Variants in SKIC8 observed in about 807,000 individuals in gnomAD.
SKIC8 encodes SKI8 subunit of superkiller complex, also known as superkiller complex protein 8.
chr15:78,285,983 CAAG>C, the SKIC8 span: 1 of 1,436,770 alleles, frequency 7.0e-7, no homozygotes. Flanking sequence ...GCAATCTATA[CAAG>C]AAGACTGCTC....
At chr15:78,293,151 G>A in the SKIC8 span, 3 of 1,609,180 alleles carry the variant, frequency 1.9e-6, no homozygotes, top group African/African-American at 2.7e-5. Context: ...CTGTATGTTA[G>A]GGGAGAGGCA....
At chr15:78,295,539 A>C in the SKIC8 span, 1 of 1,117,572 alleles carries the variant, frequency 8.9e-7, no homozygotes, top group Non-Finnish European at 1.4e-6. Flanking sequence ...GTGACTAGGT[A>C]CCCAGGGTCA....
chr15:78,293,227 T>C, the SKIC8 span: 1 of 1,614,128 alleles, frequency 6.2e-7, no homozygotes, highest in Non-Finnish European at 8.5e-7. Flanking sequence ...AGAGTTTTCC[T>C]TCTTGTTTGT....
the SKIC8 span, among the ~76,000 whole-genome samples, chr15:78,287,176 T>C: frequency 4.7e-4 from 72 of 152,290 alleles, no homozygotes; most frequent in South Asian, 9.5e-3. Context: ...CCTCATTGGT[T>C]GCTGGGAGGA....
the SKIC8 span, among the ~76,000 whole-genome samples, chr15:78,291,527 C>T: frequency 6.6e-6 from 1 of 152,170 alleles, no homozygotes; most frequent in East Asian, 1.9e-4. Flanking sequence ...ACTCTGAACA[C>T]TATGATTCAG....
At chr15:78,289,769 T>G in the SKIC8 span, 2 of 1,569,862 alleles carry the variant, frequency 1.3e-6, no homozygotes, top group African/African-American at 2.7e-5. Context: ...TGTTAAGCTG[T>G]CCCTACCAAA....
At chr15:78,289,995 A>G in the SKIC8 span, 1 of 1,614,144 alleles carries the variant, frequency 6.2e-7, no homozygotes, top group Non-Finnish European at 8.5e-7. Flanking sequence ...TCCAAAGAAT[A>G]TTCCTTTTTC....
the SKIC8 span, chr15:78,285,147 C>G: frequency 9.5e-6 from 9 of 948,416 alleles, no homozygotes; most frequent in Admixed American, 8.1e-5. Context: ...GCAGCTCAGG[C>G]CCAGGCATCT....
At chr15:78,290,458 A>G in the SKIC8 span, 9 of 183,236 alleles carry the variant, frequency 4.9e-5, no homozygotes, top group Non-Finnish European at 1.0e-4. Context: ...TAATGAAAAC[A>G]TATGTCCACA....
chr15:78,295,769 G>A, the SKIC8 span: 3 of 1,463,646 alleles, frequency 2.0e-6, no homozygotes, highest in African/African-American at 1.4e-5. Context: ...GTGTCATCAG[G>A]ATAGAAGGCA....
the SKIC8 span, chr15:78,292,709 G>C: frequency 9.9e-6 from 16 of 1,614,074 alleles, no homozygotes; most frequent in Admixed American, 2.5e-4. Context: ...GCAATGGGCA[G>C]GGTGTGGCTG....
At chr15:78,295,597 T>C in the SKIC8 span, 2 of 1,592,252 alleles carry the variant, frequency 1.3e-6, no homozygotes, top group South Asian at 1.1e-5. Flanking sequence ...GTTTCTTGAC[T>C]ACACATCCAG....
the SKIC8 span, chr15:78,292,206 A>G: frequency 5.3e-6 from 1 of 186,958 alleles, no homozygotes; most frequent in Non-Finnish European, 1.1e-5. Flanking sequence ...TGAATGAATC[A>G]GTTCAGAATA....
the SKIC8 span, chr15:78,295,567 C>T: frequency 4.4e-5 from 65 of 1,478,252 alleles, no homozygotes; most frequent in Admixed American, 3.1e-4. Context: ...CTTTAGGAGC[C>T]AGGCAAGAAT....
the SKIC8 span, chr15:78,292,984 T>G: frequency 1.2e-6 from 1 of 866,854 alleles, no homozygotes; most frequent in South Asian, 1.8e-5. Flanking sequence ...TTTTTAACTT[T>G]AGGGCTTTAA....
chr15:78,283,624 G>C, the SKIC8 span: 1 of 871,856 alleles, frequency 1.1e-6, no homozygotes, highest in East Asian at 2.7e-5. Flanking sequence ...TACCAAAACT[G>C]AGATGAGGAT....
chr15:78,292,831 C>T, the SKIC8 span: 6 of 1,604,130 alleles, frequency 3.7e-6, no homozygotes, highest in African/African-American at 5.4e-5. Context: ...ACAAAGAACA[C>T]ACTTTACCTG....
the SKIC8 span, chr15:78,288,470 G>A: frequency 9.3e-6 from 12 of 1,286,878 alleles, no homozygotes; most frequent in Non-Finnish European, 1.3e-5. Context: ...TAATGATTAT[G>A]AGCCACTGAG....
At chr15:78,287,536 A>G in the SKIC8 span, among the ~76,000 whole-genome samples, 9 of 152,210 alleles carry the variant, frequency 5.9e-5, no homozygotes, top group Middle Eastern at 3.2e-3. Context: ...ACCCATGGCT[A>G]AGGTTGGAGT....
Sources: gnomAD v4.1 joint callset for allele counts (sites outside exome capture counted in the v4.1 genomes callset) on GRCh38, gnomAD v4.1.1 for gene constraint, MANE v1.5 for transcripts, NCBI Gene and HGNC (gene_info 2026-07-23, HGNC 2026-07-21) for gene names.